CACNA2D3: variants seen among roughly 807,000 people sequenced by gnomAD.
The protein encoded by CACNA2D3 is calcium voltage-gated channel auxiliary subunit alpha2delta 3, also known as voltage-dependent calcium channel subunit alpha-2/delta-3.
A neutral mutation model predicts 160.6 loss-of-function variants in CACNA2D3; 60 were observed. The ratio of observed to expected loss-of-function variants is 0.37; its 90% CI spans 0.30 to 0.46. The LOEUF is 0.46. Among genes scored for constraint, CACNA2D3 ranks in the 20% least tolerant of loss-of-function variants. The probability of loss-of-function intolerance (pLI) is 1.00; values close to 1 mark genes in which losing one functional copy is unlikely to be tolerated. For missense variants in CACNA2D3, 1,205 were observed against 1,365.0 expected, an observed-to-expected ratio of 0.88 and a Z score of 1.85; for synonymous variants, 558 against 492.9, an observed-to-expected ratio of 1.13 and a Z score of -1.75.
intron 27 of CACNA2D3, among the ~76,000 whole-genome samples, chr3:54,900,404 G>C (rs1043947625): frequency 6.6e-6 from 1 of 152,192 alleles, no homozygotes; most frequent in African/African-American, 2.4e-5. Flanking sequence ...AATTGTCAAA[G>C]AAGTCCCGTT....
chr3:54,257,552 G>A (rs972076838), intron 2 of CACNA2D3, among the ~76,000 whole-genome samples: 5 of 151,986 alleles, frequency 3.3e-5, no homozygotes, highest in Non-Finnish European at 7.4e-5. Flanking sequence ...TGCCGTTGTT[G>A]TTTTTTTGTA....
intron 2 of CACNA2D3, among the ~76,000 whole-genome samples, chr3:54,284,921 T>C (rs147451179): frequency 1.2e-3 from 188 of 152,306 alleles, no homozygotes; most frequent in African/African-American, 4.2e-3. Context: ...TGTGGAAAAG[T>C]ATGTCATAAA....
intron 13 of CACNA2D3, among the ~76,000 whole-genome samples, chr3:54,815,323 C>A (rs1473745221): frequency 1.3e-5 from 2 of 152,086 alleles, no homozygotes. Context: ...ATTCTCAATA[C>A]CATTTTGGAG....
chr3:55,000,489 C>T (rs756881011), intron 31 of CACNA2D3, among the ~76,000 whole-genome samples: 4 of 152,152 alleles, frequency 2.6e-5, no homozygotes, highest in Non-Finnish European at 5.9e-5. Flanking sequence ...TTGATAGGTA[C>T]AGGAAACCAC....
At chr3:54,456,050 T>C (rs1027922561) in intron 4 of CACNA2D3, among the ~76,000 whole-genome samples, 10 of 152,316 alleles carry the variant, frequency 6.6e-5, no homozygotes, top group African/African-American at 2.2e-4. Flanking sequence ...TATGGTTCTA[T>C]CCAAATTTTA....
At chr3:54,968,683 G>A (rs1237041713) in intron 28 of CACNA2D3, among the ~76,000 whole-genome samples, 172 bp downstream of exon 28, 1 of 152,202 alleles carries the variant, frequency 6.6e-6, no homozygotes, top group Non-Finnish European at 1.5e-5. Context: ...CTGTCAGCAT[G>A]TTAGACACCA....
At chr3:54,758,013 G>A (rs1317798200) in intron 12 of CACNA2D3, among the ~76,000 whole-genome samples, 2 of 152,176 alleles carry the variant, frequency 1.3e-5, no homozygotes, top group Non-Finnish European at 2.9e-5. Context: ...TAGAGAGTGA[G>A]AAAGGATTTC....
intron 2 of CACNA2D3, among the ~76,000 whole-genome samples, chr3:54,250,451 A>G (rs1702165897): frequency 6.6e-6 from 1 of 152,124 alleles, no homozygotes; most frequent in African/African-American, 2.4e-5. Context: ...ACTTTTTTTA[A>G]GGAGCAAGGT....
chr3:54,582,790 A>G (rs765024716), intron 9 of CACNA2D3, among the ~76,000 whole-genome samples: 1 of 152,226 alleles, frequency 6.6e-6, no homozygotes, highest in East Asian at 1.9e-4. Context: ...TGTTGGTGCT[A>G]TCTTAGATGC....
chr3:54,245,214 ATTTT>A (rs1178674645), intron 2 of CACNA2D3, among the ~76,000 whole-genome samples: 2 of 149,072 alleles, frequency 1.3e-5, no homozygotes, highest in Admixed American at 1.3e-4. Flanking sequence ...CAGTCTTTTT[ATTTT>A]TTTTTTAAAA....
rs1225649780 is a variant in CACNA2D3, at chr3:54,987,560, T to C, written c.2620-123T>C. On this transcript the variant is annotated intron_variant, in intron 30 of 37. Transcript: ENST00000474759. ...ATGACTGTTAAAACCTTTTCCACTT[T>C]CCTGAAAACCTGCCTTTTGCTCCTG... 5 of 586,738 alleles carry C rather than the reference T, an allele frequency of 8.5e-6. No individual in the cohort carries two copies. The East Asian group carries it at 8.8e-5, about 10-fold the overall frequency. The allele number at this position is 586,738 out of a possible 1,614,324, so 36.3% of individuals were successfully genotyped here.
rs1363114708 is a variant in CACNA2D3 at position 54,931,722 on chromosome 3, C to T, written c.2449+31854C>T. Reference sequence around the variant, plus strand: ...AATTTCCAAGCTTCTGAGACATATTCTTTTGCCCTTTTTAAGCCAGAATGT... The same window carrying T: ...AATTTCCAAGCTTCTGAGACATATTTTTTTGCCCTTTTTAAGCCAGAATGT... On this transcript the variant is annotated intron_variant, in intron 27 of 37. Coordinates refer to ENST00000474759, the MANE Select transcript of CACNA2D3 (RefSeq NM_018398.3). Among the ~76,000 whole-genome samples the T allele has an allele frequency of 2.0e-5, 3 of 152,200 alleles. No individual in the cohort carries two copies. The East Asian group carries it at 5.8e-4, about 29-fold the overall frequency.
intron 11 of CACNA2D3, among the ~76,000 whole-genome samples, chr3:54,686,502 G>C (rs1700452165): frequency 6.6e-6 from 1 of 152,198 alleles, no homozygotes; most frequent in Non-Finnish European, 1.5e-5. Flanking sequence ...GAAAACAGGT[G>C]TACGTTTGAA....
intron 8 of CACNA2D3, among the ~76,000 whole-genome samples, chr3:54,580,698 GGTCCCACTTT>G (rs1275946027): frequency 1.3e-5 from 2 of 152,208 alleles, no homozygotes; most frequent in Non-Finnish European, 2.9e-5. Flanking sequence ...CTAATGGTGT[GGTCCCACTTT>G]GTGGTGGGGA....
intron 13 of CACNA2D3, among the ~76,000 whole-genome samples, chr3:54,777,022 C>T (rs1036173153): frequency 2.6e-5 from 4 of 152,160 alleles, no homozygotes; most frequent in African/African-American, 9.7e-5. Context: ...TGAACACATT[C>T]CTCTTATTAC....
At chr3:54,934,146 C>T (rs1284481962) in intron 27 of CACNA2D3, among the ~76,000 whole-genome samples, 5 of 152,156 alleles carry the variant, frequency 3.3e-5, no homozygotes, top group African/African-American at 9.7e-5. Context: ...AGGTTTCCAG[C>T]GTTATTTGTT....
chr3:54,591,706 C>G (rs868127636), intron 9 of CACNA2D3, among the ~76,000 whole-genome samples: 3 of 151,336 alleles, frequency 2.0e-5, no homozygotes, highest in South Asian at 2.1e-4. Flanking sequence ...CCAGGGTTGG[C>G]AGTTCTCACT....
intron 2 of CACNA2D3, among the ~76,000 whole-genome samples, chr3:54,147,170 C>T (rs1458926471): frequency 6.6e-6 from 1 of 152,196 alleles, no homozygotes; most frequent in African/African-American, 2.4e-5. Context: ...CCCTGCACTG[C>T]CTGCTGGCTG....
intron 27 of CACNA2D3, among the ~76,000 whole-genome samples, chr3:54,920,215 C>G (rs1212211600): frequency 6.6e-6 from 1 of 152,216 alleles, no homozygotes; most frequent in South Asian, 2.1e-4. Flanking sequence ...CATGGCACTT[C>G]AGAGTTTTAG....
Sources: gnomAD v4.1 joint callset for allele counts (sites outside exome capture counted in the v4.1 genomes callset) on GRCh38, gnomAD v4.1.1 for gene constraint, MANE v1.5 for transcripts, NCBI Gene and HGNC (gene_info 2026-07-23, HGNC 2026-07-21) for gene names.